GFY: variants seen among roughly 807,000 people sequenced by gnomAD.
GFY encodes golgi associated olfactory signaling regulator.
Under a neutral mutation model 29.1 loss-of-function variants are expected in GFY, and 28 were observed. The ratio of observed to expected loss-of-function variants is 0.96; its 90% CI spans 0.71 to 1.32. The LOEUF (loss-of-function observed/expected upper bound fraction) is 1.32. Ranked by LOEUF, GFY falls within the 40% of genes most tolerant of loss-of-function variation. The pLI is 0.00. For missense variants in GFY, 656 were observed against 661.9 expected, an observed-to-expected ratio of 0.99 and a Z score of 0.10; for synonymous variants, 277 against 274.5, an observed-to-expected ratio of 1.01 and a Z score of -0.09.
chr19:49,428,038 C>T lies in GFY; in HGVS notation c.1276C>T (p.Leu426=). 6.5e-7 allele frequency: 1 copy of T among 1,536,016 alleles called. No homozygotes were observed. Among genetic ancestry groups the T allele is most frequent in the Admixed American group, 2.0e-5 (1 of 51,010 alleles). ...CGCGCTGCTGATCGGCATCTTTGTG[C>T]TGCTGTGGTGTCTTTACCGCCGGGC... ...GTALLIGIFV[L]LWCLYRRAAR... Residue 426 remains leucine (L), a synonymous_variant, in exon 3 of 4, where the codon CTG becomes TTG. Coordinates refer to ENST00000610896, the MANE Select transcript of GFY (RefSeq NM_001195256.2).
chr19:49,426,473 G>T lies in GFY; in HGVS notation c.43G>T (p.Ala15Ser). The change falls in exon 2 of 4, where the codon GCC becomes TCC. Residue 15 changes from alanine (A) to serine (S), a missense_variant. Ala to Ser is a moderately conservative substitution (Grantham distance 99). Transcript: ENST00000610896. ...GATCCTCTTCCTCGTCTTCCTCCTC[G>T]CCGGCCTGAGGTCCAAGGCCGCTCC... Reference protein sequence around the residue: ...SRILFLVFLLAGLRSKAAPSA... With the variant: ...SRILFLVFLLSGLRSKAAPSA... The T allele has an allele frequency of 4.6e-6, 7 of 1,535,640 alleles. No homozygotes were observed. Among genetic ancestry groups the T allele is most frequent in the South Asian group, 1.2e-5 (1 of 84,046 alleles).
Position 49,427,108 on chromosome 19 carries a change from C to G in GFY, c.678C>G (p.Asn226Lys). The G allele has an allele frequency of 1.3e-6, 2 of 1,535,870 alleles. No homozygotes were observed. Among genetic ancestry groups the G allele is most frequent in the Non-Finnish European group, 8.7e-7 (1 of 1,146,866 alleles). ...KHDLNSTETP[N>K]SEFLQALHPD... is the part of the protein sequence containing the mutation. ...ACCTCAACTCCACTGAGACCCCAAA[C>G]TCTGAATTTCTCCAAGCTCTCCATC... Residue 226 changes from asparagine to lysine, a missense_variant, in exon 2 of 4, where the codon AAC (asparagine) becomes AAG (lysine). Physicochemically the swap from Asn to Lys is moderately conservative, Grantham distance 94. Coordinates refer to ENST00000610896, the MANE Select transcript of GFY (RefSeq NM_001195256.2).
At chr19:49,428,241 CCA>C in intron 3 of GFY, 122 bp downstream of exon 3, 1 of 1,210,758 alleles carries the variant, frequency 8.3e-7, no homozygotes, top group Non-Finnish European at 1.1e-6. Flanking sequence ...CCTGGCTCTT[CCA>C]TGGCAACGTC....
rs576974610 is a variant in GFY at position 49,427,178 on chromosome 19, A to C, written c.748A>C (p.Asn250His). 5.9e-4 allele frequency: 908 copies of C among 1,535,884 alleles called. 4 individuals carry two copies. Among genetic ancestry groups the C allele is most frequent in the Admixed American group, 3.6e-3 (182 of 50,968 alleles). Residue 250 changes from asparagine (N) to histidine (H), a missense_variant, in exon 2 of 4, where the codon AAT becomes CAT. Transcript: ENST00000610896. ...TPHPESHVTH[N>H]PSPTEISQTE... ...CCACCCAGAATCCCATGTGACCCAC[A>C]ATCCCAGCCCCACCGAAATTTCCCA...
intron 2 of GFY, 29 bp from the exon 3 acceptor site, chr19:49,427,917 G>C (rs1568632107): frequency 6.6e-7 from 1 of 1,520,432 alleles, no homozygotes; most frequent in Admixed American, 2.0e-5. Flanking sequence ...AGGGGGTTAG[G>C]AGCTTAGATT....
chr19:49,428,872 C>T lies in GFY; in HGVS notation c.*54C>T, dbSNP rs542511604. On this transcript the variant is annotated 3_prime_UTR_variant, in exon 4 of 4. Coordinates refer to ENST00000610896, the MANE Select transcript of GFY (RefSeq NM_001195256.2). ...ATCCCCACAGTGAAGGAAAACCCTG[C>T]GCTTCTGGTATGCTTAGCTAGAGTA... The T allele has an allele frequency of 1.2e-5, 15 of 1,230,522 alleles. No homozygotes were observed. Among genetic ancestry groups the T allele is most frequent in the African/African-American group, 3.1e-5 (2 of 65,064 alleles). The allele number at this position is 1,230,522 out of a possible 1,614,324, so 76.2% of individuals were successfully genotyped here.
Position 49,427,997 on chromosome 19 carries a change from T to C in GFY, c.1235T>C (p.Leu412Pro), listed in dbSNP as rs1482377530. ...GGCGCAGCAGGCGGGGCCCTCTGCC[T>C]GTTCTTCGCGGGGACCGCGCTGCTG... ...PRGAAGGALC[L>P]FFAGTALLIG... Residue 412 changes from leucine (L) to proline (P), a missense_variant, in exon 3 of 4, where the codon CTG (leucine) becomes CCG (proline). Leu to Pro is a moderately conservative substitution (Grantham distance 98). Coordinates refer to ENST00000610896, the MANE Select transcript of GFY (RefSeq NM_001195256.2). 9.8e-6 allele frequency: 15 copies of C among 1,535,928 alleles called. No individual in the cohort carries two copies. The highest frequency in any genetic ancestry group is 1.1e-5 in the Non-Finnish European group (13 of 1,146,708).
In GFY at chr19:49,428,922, T is replaced by C. The variant is rs2078945855; in HGVS notation, c.*104T>C. 8.6e-6 allele frequency: 6 copies of C among 696,778 alleles called. No individual in the cohort carries two copies. Among genetic ancestry groups the C allele is most frequent in the Non-Finnish European group, 1.3e-5 (6 of 455,468 alleles). The allele number at this position is 696,778 out of a possible 1,614,324, so 43.2% of individuals were successfully genotyped here. A position where few individuals can be genotyped will look rare whatever the true frequency, so the allele number is the denominator to read the frequency against. On this transcript the variant is annotated 3_prime_UTR_variant, in exon 4 of 4. Transcript: ENST00000610896. ...AGTGCCCCGGATAAAGGGTCTAATATACAGAGATGCTTGCGCTGTGATCAG... is the reference window on the plus strand; with the variant it reads ...AGTGCCCCGGATAAAGGGTCTAATACACAGAGATGCTTGCGCTGTGATCAG...
chr19:49,427,562 C>T lies in GFY; in HGVS notation c.1132C>T (p.Arg378Ter). ...ATLRAPQRHSRGEGVNTIIVV... is the reference protein window; with the variant it reads ...ATLRAPQRHS ...TCTGCGGGCACCCCAGAGGCACAGCCGAGGTGAGGGAGTCAACACCATCAT... is the reference window on the plus strand; with the variant it reads ...TCTGCGGGCACCCCAGAGGCACAGCTGAGGTGAGGGAGTCAACACCATCAT... The change falls in exon 2 of 4, where the codon CGA becomes TGA. Residue 378 changes from arginine (R) to a stop codon, truncating the protein, a stop_gained. Coordinates refer to ENST00000610896, the MANE Select transcript of GFY (RefSeq NM_001195256.2). LOFTEE classifies it high-confidence loss of function. 6.7e-7 allele frequency: 1 copy of T among 1,500,942 alleles called. No individual in the cohort carries two copies. The highest frequency in any genetic ancestry group is 8.8e-7 in the Non-Finnish European group (1 of 1,131,886). The allele number at this position is 1,500,942 out of a possible 1,614,324, so 93.0% of individuals were successfully genotyped here.
upstream of GFY, among the ~76,000 whole-genome samples, chr19:49,424,616 CG>C (rs906761923): frequency 3.4e-5 from 5 of 147,644 alleles, no homozygotes; most frequent in African/African-American, 4.9e-5. Context: ...TTTGGAAGGC[CG>C]TGGTGGGTGG....
rs1043861301 is a variant in GFY, at chr19:49,427,378, C to T, written c.948C>T (p.Pro316=). The T allele has an allele frequency of 2.0e-6, 3 of 1,536,132 alleles. No individual in the cohort carries two copies. The highest frequency in any genetic ancestry group is 2.6e-6 in the Non-Finnish European group (3 of 1,146,874). ...PKPGTPAAIQ[P]DSPKLPTSDS... ...CAGGAACACCTGCAGCCATCCAGCC[C>T]GACTCCCCAAAATTGCCCACTTCAG... The change falls in exon 2 of 4, where the codon CCC becomes CCT. Residue 316 remains proline, a synonymous_variant. Coordinates refer to ENST00000610896, the MANE Select transcript of GFY (RefSeq NM_001195256.2).
At chr19:49,423,796 G>T, upstream of GFY, 1 of 164,908 alleles carries the variant, frequency 6.1e-6, no homozygotes, top group African/African-American at 2.4e-5. Context: ...GGCCGAGGAA[G>T]AAATAGAGAG....
Position 49,428,113 on chromosome 19 carries a change from GA to G in GFY, c.1353del (p.Glu451AspfsTer?). ...AHHRLPDDGD[E>X]PVLHLDAPKD... Reference sequence around the variant, plus strand: ...TCACCGGCTTCCGGACGACGGAGATGAACCGGGTGAGCGCCCTGCCCCTTGA... The same window carrying G: ...TCACCGGCTTCCGGACGACGGAGATGACCGGGTGAGCGCCCTGCCCCTTGA... On this transcript the variant is annotated frameshift_variant, in exon 3 of 4. Coordinates refer to ENST00000610896, the MANE Select transcript of GFY (RefSeq NM_001195256.2). LOFTEE classifies it high-confidence loss of function. 6.5e-7 allele frequency: 1 copy of G among 1,532,012 alleles called. No homozygotes were observed. Among genetic ancestry groups the G allele is most frequent in the Non-Finnish European group, 8.7e-7 (1 of 1,143,478 alleles). The allele number at this position is 1,532,012 out of a possible 1,614,324, so 94.9% of individuals were successfully genotyped here.
At chr19:49,428,530 G>C (rs1736594729) in intron 3 of GFY, 89 bp from the exon 4 acceptor site, 9 of 1,018,290 alleles carry the variant, frequency 8.8e-6, no homozygotes, top group Non-Finnish European at 1.2e-5. Context: ...CTCCTGATCG[G>C]TCGGCCGCAC....
upstream of GFY, among the ~76,000 whole-genome samples, chr19:49,424,516 T>C (rs986447564): frequency 3.4e-5 from 5 of 148,444 alleles, no homozygotes; most frequent in African/African-American, 1.2e-4. Context: ...AGTGTTGGGA[T>C]TACAGGCGTG....
At chr19:49,428,565 G>A (rs2078943915) in intron 3 of GFY, 54 bp from the exon 4 acceptor site, 1 of 1,324,122 alleles carries the variant, frequency 7.6e-7, no homozygotes, top group Non-Finnish European at 9.8e-7. Flanking sequence ...AGATGATCTG[G>A]AAGGGGGCCT....
At chr19:49,425,591 C>G (rs1164070085) in intron 1 of GFY, 102 bp downstream of exon 1, 1 of 152,356 alleles carries the variant, frequency 6.6e-6, no homozygotes, top group Non-Finnish European at 1.5e-5. Flanking sequence ...CAGACTGGCC[C>G]CGGAGATGCC....
chr19:49,424,638 G>A (rs1975054879), upstream of GFY, among the ~76,000 whole-genome samples: 2 of 150,866 alleles, frequency 1.3e-5, no homozygotes, highest in East Asian at 2.0e-4. Context: ...ATCACTTGAG[G>A]TCAGGAGTTC....
chr19:49,427,197 T>C lies in GFY; in HGVS notation c.767T>C (p.Ile256Thr). 1 of 1,535,612 alleles carries C rather than the reference T, an allele frequency of 6.5e-7. No homozygotes were observed. The highest frequency in any genetic ancestry group is 2.4e-5 in the East Asian group (1 of 40,912). Residue 256 changes from isoleucine (I) to threonine (T), a missense_variant, in exon 2 of 4, where the codon ATT becomes ACT. Physicochemically the swap from Ile to Thr is moderately conservative, Grantham distance 89 (BLOSUM62 -1). Transcript: ENST00000610896. Reference sequence around the variant, plus strand: ...ACCCACAATCCCAGCCCCACCGAAATTTCCCAAACAGAATTCCCCACAACC... The same window carrying C: ...ACCCACAATCCCAGCCCCACCGAAACTTCCCAAACAGAATTCCCCACAACC... ...HVTHNPSPTE[I>T]SQTEFPTTYY...
Sources: gnomAD v4.1 joint callset for allele counts (sites outside exome capture counted in the v4.1 genomes callset) on GRCh38, gnomAD v4.1.1 for gene constraint, MANE v1.5 for transcripts, NCBI Gene and HGNC (gene_info 2026-07-23, HGNC 2026-07-21) for gene names.